Variants in EPHB6 observed in about 807,000 individuals in gnomAD.
The protein encoded by EPHB6 is EPH receptor B6.
In EPHB6, 51 loss-of-function variants were observed where a neutral mutation model predicts 107.0. The ratio of observed to expected loss-of-function variants is 0.48; its 90% CI spans 0.38 to 0.60. The LOEUF is 0.60. EPHB6 is among the 20% of genes least tolerant of loss of function. The pLI, the probability that EPHB6 is intolerant of heterozygous loss-of-function variation, is 0.00. For missense variants in EPHB6, 1,141 were observed against 1,355.5 expected (o/e 0.84, Z 2.48); for synonymous variants, 553 against 549.0 (o/e 1.01, Z -0.10).
intron 2 of EPHB6, 28 bp downstream of exon 2, chr7:142,861,214 G>A (rs958469633): frequency 3.3e-5 from 5 of 152,122 alleles, no homozygotes; most frequent in Non-Finnish European, 5.9e-5. Context: ...TCATTTGCTC[G>A]TGAGCTTAGT....
rs1346772225 is a variant in EPHB6, at chr7:142,862,818, G to GA, written c.-104dup. The GA allele has an allele frequency of 0.023, 3,552 of 154,476 alleles. 2 individuals carry two copies. The highest frequency in any genetic ancestry group is 0.041 in the East Asian group (266 of 6,414). 9.6% of individuals were successfully genotyped at this position (154,476 alleles called of 1,614,324 possible). Reference sequence around the variant, plus strand: ...GAAAGAACTGGAATAACCCCTTGCAGAAAAAAAAAAAAAGGGTAAGATTGA... The same window carrying GA: ...GAAAGAACTGGAATAACCCCTTGCAGAAAAAAAAAAAAAAGGGTAAGATTGA... On this transcript the variant is annotated 5_prime_UTR_variant, in exon 4 of 20. It introduces an in-frame stop codon into an upstream open reading frame of the 5' UTR. Transcript: ENST00000652003.
Position 142,864,648 on chromosome 7 carries a change from C to A in EPHB6, c.848C>A (p.Pro283His), listed in dbSNP as rs8177143. 116 of 1,612,528 alleles carry A rather than the reference C, an allele frequency of 7.2e-5. No homozygotes were observed. Among genetic ancestry groups the A allele is most frequent in the Non-Finnish European group, 9.4e-5 (111 of 1,179,740 alleles). Residue 283 changes from proline (P) to histidine (H), a missense_variant, in exon 7 of 20, where the codon CCC becomes CAC. By Grantham distance (77) the Pro-to-His change is moderately conservative. Transcript: ENST00000652003. Reference sequence around the variant, plus strand: ...GGGGGCCAGGCAGGAGGCAGCCCCCCCAGGCTGCACTGCAACGGGGAGGGC... The same window carrying A: ...GGGGGCCAGGCAGGAGGCAGCCCCCACAGGCTGCACTGCAACGGGGAGGGC... Reference protein sequence around the residue: ...GVGGQAGGSPPRLHCNGEGKW... With the variant: ...GVGGQAGGSPHRLHCNGEGKW...
Position 142,868,889 on chromosome 7 carries a change from C to T in EPHB6, c.2287-85C>T. 6.3e-7 allele frequency: 1 copy of T among 1,586,532 alleles called. No individual in the cohort carries two copies. Among genetic ancestry groups the T allele is most frequent in the Non-Finnish European group, 8.6e-7 (1 of 1,169,010 alleles). On this transcript the variant is annotated intron_variant, in intron 15 of 19. Coordinates refer to ENST00000652003, the MANE Select transcript of EPHB6 (RefSeq NM_004445.6). This position sits in a 1 kb window ranked among gnomAD's most constrained non-coding sequence, Gnocchi z 4.2. ...TTTTCTGATTCGACACCCTCCCGCT[C>T]TCATGCTGTTGTCTGCTATGCAGTA...
chr7:142,869,801 T>C lies in EPHB6; in HGVS notation c.2461-16T>C. The C allele has an allele frequency of 6.2e-7, 1 of 1,614,188 alleles. No homozygotes were observed. The highest frequency in any genetic ancestry group is 8.5e-7 in the Non-Finnish European group (1 of 1,180,024). On this transcript the variant is annotated splice_polypyrimidine_tract_variant and intron_variant, in intron 16 of 19. Transcript: ENST00000652003. The surrounding 1 kb of genome is among the most constrained non-coding windows in gnomAD (Gnocchi z 4.5). ...TACTATGATTATTACTATTTGCTTT[T>C]GACTTTACCCCTCAGGGCCCAAGTT...
In EPHB6 at chr7:142,864,626, G is replaced by T; in HGVS notation, c.826G>T (p.Gly276Cys). Residue 276 changes from glycine (G) to cysteine (C), a missense_variant, in exon 7 of 20, where the codon GGC becomes TGC. Physicochemically the swap from Gly to Cys is radical, Grantham distance 159. Transcript: ENST00000652003. ...HAEPEEDGVG[G>C]QAGGSPPRLH... The stretch of plus-strand genomic sequence containing the variant: ...AGAGCCAGAGGAGGATGGAGTAGGG[G>T]GCCAGGCAGGAGGCAGCCCCCCCAG... 1 of 1,612,412 alleles carries T rather than the reference G, an allele frequency of 6.2e-7. No homozygotes were observed. Among genetic ancestry groups the T allele is most frequent in the Non-Finnish European group, 8.5e-7 (1 of 1,179,528 alleles).
chr7:142,865,613 C>A lies in EPHB6; in HGVS notation c.1088C>A (p.Pro363Gln). The change falls in exon 8 of 20, where the codon CCA becomes CAA. Residue 363 changes from proline (P) to glutamine (Q), a missense_variant. Physicochemically the swap from Pro to Gln is moderately conservative, Grantham distance 76. Around this residue, in one of 3 missense-constraint regions of EPHB6, gnomAD observed 304 missense variants for 295.7 expected, o/e 1.03. Transcript: ENST00000652003. The stretch of plus-strand genomic sequence containing the variant: ...TTCTACCGGGCCAGTTCCGACCCAC[C>A]AGAGGCCCCCTGCACTGGTGAGTTC... ...EGFYRASSDPPEAPCTGPPSA... is the reference protein window; with the variant it reads ...EGFYRASSDPQEAPCTGPPSA... 1.2e-6 allele frequency: 2 copies of A among 1,613,586 alleles called. No individual in the cohort carries two copies. Among genetic ancestry groups the A allele is most frequent in the Non-Finnish European group, 1.7e-6 (2 of 1,179,998 alleles).
chr7:142,868,961 C>G lies in EPHB6; in HGVS notation c.2287-13C>G. ...CCGATCACTGACCTCTGCCCCCTGCCCCTTCCCCTCAGCAGCGGGAGGGCC... is the reference window on the plus strand; with the variant it reads ...CCGATCACTGACCTCTGCCCCCTGCGCCTTCCCCTCAGCAGCGGGAGGGCC... On this transcript the variant is annotated splice_polypyrimidine_tract_variant and intron_variant, in intron 15 of 19. Coordinates refer to ENST00000652003, the MANE Select transcript of EPHB6 (RefSeq NM_004445.6). The surrounding 1 kb of genome is among the most constrained non-coding windows in gnomAD (Gnocchi z 4.2). 6.2e-7 allele frequency: 1 copy of G among 1,606,000 alleles called. No individual in the cohort carries two copies. Among genetic ancestry groups the G allele is most frequent in the Non-Finnish European group, 8.5e-7 (1 of 1,179,518 alleles).
Position 142,863,382 on chromosome 7 carries a change from G to A in EPHB6, c.100+55G>A, listed in dbSNP as rs1802944613. On this transcript the variant is annotated intron_variant, in intron 5 of 19. Transcript: ENST00000652003. ...GACCTGCCATAGAGACCCAGTGAAAGGGGGAAGTGGGAAAGATTTAGAAAA... is the reference window on the plus strand; with the variant it reads ...GACCTGCCATAGAGACCCAGTGAAAAGGGGAAGTGGGAAAGATTTAGAAAA... 3 of 1,526,888 alleles carry A rather than the reference G, an allele frequency of 2.0e-6. No homozygotes were observed. In the South Asian group the frequency reaches 3.4e-5, roughly 17 times the overall value. 94.6% of individuals were successfully genotyped at this position (1,526,888 alleles called of 1,614,324 possible). A position where few individuals can be genotyped will look rare whatever the true frequency, so the allele number is the denominator to read the frequency against.
rs1794798738 is a variant in EPHB6 at position 142,869,547 on chromosome 7, T to A, written c.2461-270T>A. Among the ~76,000 whole-genome samples, 2 of 152,184 alleles carry A rather than the reference T, an allele frequency of 1.3e-5. No homozygotes were observed. On this transcript the variant is annotated intron_variant, in intron 16 of 19. Transcript: ENST00000652003. The surrounding 1 kb of genome is among the most constrained non-coding windows in gnomAD (Gnocchi z 4.5). ...CTTCTGTGAAATGGAGATAATATCA[T>A]CCACCTTGGAGGGTTGTTATGAGGA...
At chr7:142,859,268 G>T (rs1035810736) in intron 1 of EPHB6, among the ~76,000 whole-genome samples, 1 of 152,172 alleles carries the variant, frequency 6.6e-6, no homozygotes, top group Non-Finnish European at 1.5e-5. Flanking sequence ...GCCTGTCCCT[G>T]GGATGCTCTC....
At position 142,866,117 on chromosome 7, in the gene EPHB6, TG is replaced by T; in HGVS notation, c.1268del (p.Gly423AlafsTer19). On this transcript the variant is annotated frameshift_variant, in exon 9 of 20. Transcript: ENST00000652003. LOFTEE classifies it high-confidence loss of function. This position sits in a 1 kb window ranked among gnomAD's most constrained non-coding sequence, Gnocchi z 5.2. ...GCCGCCAGGAACCTGCCAGCGGTGGTGGGGGCACTTGTCACCGCTGCAGGGA... is the reference window on the plus strand; with the variant it reads ...GCCGCCAGGAACCTGCCAGCGGTGGTGGGGCACTTGTCACCGCTGCAGGGA... Reference protein sequence around the residue: ...EGRQEPASGGGGTCHRCRDEV... With the variant: ...EGRQEPASGGXGTCHRCRDEV... 6.2e-7 allele frequency: 1 copy of T among 1,613,306 alleles called. No individual in the cohort carries two copies. The highest frequency in any genetic ancestry group is 8.5e-7 in the Non-Finnish European group (1 of 1,179,686).
Position 142,867,972 on chromosome 7 carries a change from C to A in EPHB6, c.1866-25C>A, listed in dbSNP as rs765092215. ...AAGGGGGTGGAAATGGGAGCGTCATCCCCAGTCACCGTTTTGTTCCTCAGG... is the reference window on the plus strand; with the variant it reads ...AAGGGGGTGGAAATGGGAGCGTCATACCCAGTCACCGTTTTGTTCCTCAGG... On this transcript the variant is annotated intron_variant, in intron 12 of 19. Transcript: ENST00000652003. This position sits in a 1 kb window ranked among gnomAD's most constrained non-coding sequence, Gnocchi z 5.3. 68 of 1,560,676 alleles carry A rather than the reference C, an allele frequency of 4.4e-5. No homozygotes were observed.
rs149980502 is a variant in EPHB6 at position 142,870,174 on chromosome 7, A to G, written c.2611-40A>G. The stretch of plus-strand genomic sequence containing the variant: ...CCCAACAAAGTACTCCCCTCTACTA[A>G]CAAAACTTCCCATCGTCATAGTCTT... On this transcript the variant is annotated intron_variant, in intron 17 of 19. Coordinates refer to ENST00000652003, the MANE Select transcript of EPHB6 (RefSeq NM_004445.6). The G allele has an allele frequency of 3.0e-4, 482 of 1,613,600 alleles. 4 individuals carry two copies. In the East Asian group the frequency reaches 0.01, roughly 34 times the overall value.
In EPHB6 at chr7:142,869,698, T is replaced by A; in HGVS notation, c.2461-119T>A. 1.7e-6 allele frequency: 2 copies of A among 1,198,910 alleles called. No individual in the cohort carries two copies. Among genetic ancestry groups the A allele is most frequent in the South Asian group, 2.6e-5 (2 of 76,830 alleles). The allele number at this position is 1,198,910 out of a possible 1,614,324, so 74.3% of individuals were successfully genotyped here. On this transcript the variant is annotated intron_variant, in intron 16 of 19. Transcript: ENST00000652003. The surrounding 1 kb of genome is among the most constrained non-coding windows in gnomAD (Gnocchi z 4.5). ...TATCATCCACCTTAGAGGGTTGTTA[T>A]GAGGATTAAATGAGATGCTTGATGT... is the stretch of plus-strand genomic sequence containing the variant.
chr7:142,866,388 T>C lies in EPHB6; in HGVS notation c.1462+72T>C, dbSNP rs917460294. ...TGAGCCCCCTTCCCTACTCCTGATC[T>C]CCAGCCTGGTCCACCCCTGCCGCCC... On this transcript the variant is annotated intron_variant, in intron 9 of 19. Coordinates refer to ENST00000652003, the MANE Select transcript of EPHB6 (RefSeq NM_004445.6). This position sits in a 1 kb window ranked among gnomAD's most constrained non-coding sequence, Gnocchi z 5.2. 1.2e-6 allele frequency: 2 copies of C among 1,611,432 alleles called. No homozygotes were observed. The highest frequency in any genetic ancestry group is 2.7e-5 in the African/African-American group (2 of 74,964).
rs746894079 is a variant in EPHB6, at chr7:142,867,845, C to T, written c.1865+123C>T. On this transcript the variant is annotated intron_variant, in intron 12 of 19. Transcript: ENST00000652003. The surrounding 1 kb of genome is among the most constrained non-coding windows in gnomAD (Gnocchi z 5.3). ...ACTGGTGCTCCTCCCGTCAGCCAGC[C>T]CCTGCCCTGGGCCCCACGTGGAGAT... is the stretch of plus-strand genomic sequence containing the variant. 1.3e-4 allele frequency: 184 copies of T among 1,433,548 alleles called. No homozygotes were observed. Among genetic ancestry groups the T allele is most frequent in the Non-Finnish European group, 1.6e-4 (166 of 1,042,850 alleles). The allele number at this position is 1,433,548 out of a possible 1,614,324, so 88.8% of individuals were successfully genotyped here. A position where few individuals can be genotyped will look rare whatever the true frequency, so the allele number is the denominator to read the frequency against.
At position 142,855,786 on chromosome 7, in the gene EPHB6, G is replaced by A. The variant is rs8177168; in HGVS notation, c.-432+401G>A. ...ATCACTCCAATCCCCTTGGAGCTGG[G>A]AGGAGTCAGGAGGCTGACCACACAC... On this transcript the variant is annotated intron_variant, in intron 1 of 19. Transcript: ENST00000652003. The surrounding 1 kb of genome is among the most constrained non-coding windows in gnomAD (Gnocchi z 4.2). Among the ~76,000 whole-genome samples, 231 of 152,244 alleles carry A rather than the reference G, an allele frequency of 1.5e-3. 2 individuals carry two copies. The highest frequency in any genetic ancestry group is 2.8e-3 in the Non-Finnish European group (190 of 68,012).
chr7:142,858,054 TTC>T (rs1485976467), intron 1 of EPHB6, among the ~76,000 whole-genome samples: 2 of 152,212 alleles, frequency 1.3e-5, no homozygotes, highest in Admixed American at 6.5e-5. Context: ...ACAAATATTT[TTC>T]TTTTTTGTTT....
At position 142,867,214 on chromosome 7, in the gene EPHB6, G is replaced by A; in HGVS notation, c.1750+146G>A. The A allele has an allele frequency of 9.8e-7, 1 of 1,021,236 alleles. No homozygotes were observed. The highest frequency in any genetic ancestry group is 2.6e-5 in the East Asian group (1 of 38,516). 63.3% of individuals were successfully genotyped at this position (1,021,236 alleles called of 1,614,324 possible). A position where few individuals can be genotyped will look rare whatever the true frequency, so the allele number is the denominator to read the frequency against. Reference sequence around the variant, plus strand: ...AAAGGAGAGTGCCTTTTGCTCAGCAGCTGACCTAGGGGCTACTCGGGGAGG... The same window carrying A: ...AAAGGAGAGTGCCTTTTGCTCAGCAACTGACCTAGGGGCTACTCGGGGAGG... On this transcript the variant is annotated intron_variant, in intron 11 of 19. Transcript: ENST00000652003. The surrounding 1 kb of genome is among the most constrained non-coding windows in gnomAD (Gnocchi z 5.3).
Sources: allele counts gnomAD v4.1 joint callset (sites outside exome capture counted in the v4.1 genomes callset), GRCh38; gene constraint gnomAD v4.1.1; regional missense constraint gnomAD v4.1.1; non-coding constraint Gnocchi (gnomAD v3.1); transcripts MANE v1.5; gene names NCBI Gene and HGNC (gene_info 2026-07-23, HGNC 2026-07-21).